The following SH2D4B variants were observed in gnomAD, a reference collection of about 807,000 sequenced individuals.
SH2D4B encodes SH2 domain containing 4B.
In SH2D4B, 45 loss-of-function variants were observed where a neutral mutation model predicts 61.5. The ratio of observed to expected loss-of-function variants is 0.73; its 90% CI spans 0.58 to 0.94. The LOEUF (loss-of-function observed/expected upper bound fraction) is 0.94, where lower values mean the gene tolerates loss of function less well. SH2D4B is among the 40% of genes least tolerant of loss of function. The probability of loss-of-function intolerance (pLI) is 0.00; values close to 1 mark genes in which losing one functional copy is unlikely to be tolerated. For missense variants in SH2D4B, 572 were observed against 574.2 expected, an observed-to-expected ratio of 1.00 and a Z score of 0.04; for synonymous variants, 224 against 220.4, an observed-to-expected ratio of 1.02 and a Z score of -0.14.
In SH2D4B at chr10:80,603,753, T is replaced by A. The variant is rs909521905; in HGVS notation, c.818T>A (p.Leu273His). ...HEQEARLYHH[L>H]PDPGLPQPLA... ...CAGGAGGCAAGACTCTACCACCACC[T>A]CCCCGACCCGGGTCTGCCGCAGCCC... The change falls in exon 5 of 8, where the codon CTC becomes CAC. Residue 273 changes from leucine to histidine, a missense_variant. Coordinates refer to ENST00000646907, the MANE Select transcript of SH2D4B (RefSeq NM_001388272.1). 2 of 1,610,836 alleles carry A rather than the reference T, an allele frequency of 1.2e-6. No individual in the cohort carries two copies. Among genetic ancestry groups the A allele is most frequent in the East Asian group, 2.2e-5 (1 of 44,718 alleles).
chr10:80,561,556 A>G (rs1841902475), intron 1 of SH2D4B, among the ~76,000 whole-genome samples: 1 of 152,334 alleles, frequency 6.6e-6, no homozygotes, highest in African/African-American at 2.4e-5. Context: ...TTGCTTTTTA[A>G]ATATTAAACT....
chr10:80,564,188 T>G (rs1841939380), intron 1 of SH2D4B, among the ~76,000 whole-genome samples: 1 of 152,244 alleles, frequency 6.6e-6, no homozygotes, highest in Non-Finnish European at 1.5e-5. Context: ...TCTTGCAGCT[T>G]ATTCTTTTTA....
intron 6 of SH2D4B, among the ~76,000 whole-genome samples, chr10:80,630,264 C>T (rs995959694): frequency 6.6e-6 from 1 of 152,152 alleles, no homozygotes; most frequent in East Asian, 1.9e-4. Context: ...GTGCCCTGCC[C>T]TTGACTGGAA....
intron 1 of SH2D4B, among the ~76,000 whole-genome samples, chr10:80,563,684 G>A (rs891833904): frequency 6.6e-6 from 1 of 152,060 alleles, no homozygotes; most frequent in African/African-American, 2.4e-5. Context: ...GGGAAATATT[G>A]ATAGATATAA....
chr10:80,597,947 T>G (rs990950206), intron 4 of SH2D4B, among the ~76,000 whole-genome samples: 1 of 151,928 alleles, frequency 6.6e-6, no homozygotes, highest in Non-Finnish European at 1.5e-5. Flanking sequence ...GAGAAAGAGT[T>G]TAAAAAGCAT....
intron 3 of SH2D4B, among the ~76,000 whole-genome samples, chr10:80,573,853 C>T (rs1363850925): frequency 2.0e-5 from 3 of 151,976 alleles, no homozygotes; most frequent in African/African-American, 4.8e-5. Context: ...TATCTCCCAC[C>T]CTCTTAACAA....
At chr10:80,541,914 C>T (rs567516616) in intron 1 of SH2D4B, among the ~76,000 whole-genome samples, 1 of 152,334 alleles carries the variant, frequency 6.6e-6, no homozygotes, top group East Asian at 1.9e-4. Flanking sequence ...CTGGACACAT[C>T]ACTCCTCTGA....
chr10:80,611,371 G>A (rs7093787), intron 6 of SH2D4B, among the ~76,000 whole-genome samples: 82,959 of 151,752 alleles, frequency 0.55, 24,615 homozygotes, highest in African/African-American at 0.77. Context: ...AATCTAGTCT[G>A]TTATGACCAC....
chr10:80,596,377 A>G (rs1307536972), intron 4 of SH2D4B, among the ~76,000 whole-genome samples: 2 of 152,246 alleles, frequency 1.3e-5, no homozygotes, highest in Admixed American at 1.3e-4. Flanking sequence ...GTCATTGCTC[A>G]TGAGCCGAGA....
chr10:80,619,071 C>T (rs1311532127), intron 6 of SH2D4B, among the ~76,000 whole-genome samples: 2 of 152,144 alleles, frequency 1.3e-5, no homozygotes, highest in Non-Finnish European at 2.9e-5. Context: ...TATCTGAGAA[C>T]ATCTGTATGG....
Position 80,539,083 on chromosome 10 carries a change from G to C in SH2D4B, c.184+568G>C, listed in dbSNP as rs1002938608. Reference sequence around the variant, plus strand: ...TCAGGGAACGTCCCACACAATGAATGACCATCCCCAAATGGTCGTAGCAAC... The same window carrying C: ...TCAGGGAACGTCCCACACAATGAATCACCATCCCCAAATGGTCGTAGCAAC... On this transcript the variant is annotated intron_variant, in intron 1 of 7. Coordinates refer to ENST00000646907, the MANE Select transcript of SH2D4B (RefSeq NM_001388272.1). This position sits in a 1 kb window ranked among gnomAD's most constrained non-coding sequence, Gnocchi z 4.9. Among the ~76,000 whole-genome samples, 1 of 152,220 alleles carries C rather than the reference G, an allele frequency of 6.6e-6. No homozygotes were observed. Among genetic ancestry groups the C allele is most frequent in the African/African-American group, 2.4e-5 (1 of 41,456 alleles).
intron 3 of SH2D4B, among the ~76,000 whole-genome samples, chr10:80,583,543 G>A (rs1025999056): frequency 6.6e-6 from 1 of 151,938 alleles, no homozygotes; most frequent in Non-Finnish European, 1.5e-5. Flanking sequence ...TGGCATGCGC[G>A]CCTGTAATTC....
chr10:80,584,949 G>C (rs1490496746), intron 3 of SH2D4B, among the ~76,000 whole-genome samples: 1 of 152,222 alleles, frequency 6.6e-6, no homozygotes. Context: ...AGTTGAAAAT[G>C]GTGGCCTCCA....
chr10:80,609,293 C>CG, intron 5 of SH2D4B, 131 bp from the exon 6 acceptor site: 1 of 558,088 alleles, frequency 1.8e-6, no homozygotes, highest in Non-Finnish European at 2.9e-6. Context: ...CCTGCCCCTT[C>CG]TTCCACCCCC....
chr10:80,634,592 C>A, intron 7 of SH2D4B, 87 bp downstream of exon 7: 1 of 1,500,782 alleles, frequency 6.7e-7, no homozygotes, highest in Non-Finnish European at 8.9e-7. Context: ...AGAAGCAAGG[C>A]TGCTGGCTCT....
Position 80,549,620 on chromosome 10 carries a change from G to A in SH2D4B, c.184+11105G>A, listed in dbSNP as rs143768837. On this transcript the variant is annotated intron_variant, in intron 1 of 7. Transcript: ENST00000646907. Reference sequence around the variant, plus strand: ...GTGCAAAGTGCCTGAAGTCCACCCGGCGTGCACAGCACCTGCCGAGGGCTT... The same window carrying A: ...GTGCAAAGTGCCTGAAGTCCACCCGACGTGCACAGCACCTGCCGAGGGCTT... 3.9e-3 allele frequency among the ~76,000 whole-genome samples: 590 copies of A among 152,328 alleles called. 3 individuals are homozygous for A. The highest frequency in any genetic ancestry group is 0.014 in the African/African-American group (570 of 41,564).
At chr10:80,634,540 G>A in intron 7 of SH2D4B, 35 bp downstream of exon 7, 1 of 1,544,076 alleles carries the variant, frequency 6.5e-7, no homozygotes, top group Non-Finnish European at 8.7e-7. Context: ...GGGGGGAGGG[G>A]GAACTGGTGG....
At chr10:80,543,308 G>A (rs1189610732) in intron 1 of SH2D4B, among the ~76,000 whole-genome samples, 1 of 152,138 alleles carries the variant, frequency 6.6e-6, no homozygotes, top group Admixed American at 6.5e-5. Context: ...GCGAGTTCCG[G>A]GGGGCGTGGG....
At chr10:80,562,202 T>C (rs1323966549) in intron 1 of SH2D4B, among the ~76,000 whole-genome samples, 1 of 152,172 alleles carries the variant, frequency 6.6e-6, no homozygotes, top group Admixed American at 6.5e-5. Flanking sequence ...TCACTTAACA[T>C]AATATCCTCC....
Sources: gnomAD v4.1 joint callset for allele counts (sites outside exome capture counted in the v4.1 genomes callset) on GRCh38, gnomAD v4.1.1 for gene constraint, Gnocchi (gnomAD v3.1) non-coding constraint, MANE v1.5 for transcripts, NCBI Gene and HGNC (gene_info 2026-07-23, HGNC 2026-07-21) for gene names.